NACC2: variants seen among roughly 807,000 people sequenced by gnomAD.
The protein encoded by NACC2 is nucleus accumbens-associated protein 2.
Under a neutral mutation model 25.1 loss-of-function variants are expected in NACC2, and 8 were observed. The ratio of observed to expected loss-of-function variants is 0.32; its 90% CI spans 0.19 to 0.57. The LOEUF (loss-of-function observed/expected upper bound fraction) is 0.57. NACC2 is among the 20% of genes least tolerant of loss of function. The pLI, the probability that NACC2 is intolerant of heterozygous loss-of-function variation, is 0.89. For missense variants in NACC2, 644 were observed against 650.2 expected (o/e 0.99, Z 0.10); for synonymous variants, 435 against 294.7 (o/e 1.48, Z -4.88).
intron 2 of NACC2, among the ~76,000 whole-genome samples, chr9:136,024,455 T>TGTGTGAGGACAGAGGGTGC (rs1233617989): frequency 2.8e-5 from 4 of 140,692 alleles, no homozygotes; most frequent in Admixed American, 7.1e-5. Flanking sequence ...ACAGAGGGTA[T>TGTGTGAGGACAGAGGGTGC]GTGTGAGGAC....
chr9:136,050,688 C>G (rs1840816820), intron 1 of NACC2, 108 bp from the exon 2 acceptor site: 7 of 632,596 alleles, frequency 1.1e-5, no homozygotes, highest in South Asian at 1.8e-5. Context: ...AAAGAGCGAG[C>G]CTTCCGCACG....
Position 136,079,560 on chromosome 9 carries a change from G to C in NACC2, c.-60+15629C>G, listed in dbSNP as rs757463479. Among the ~76,000 whole-genome samples, 132 of 152,292 alleles carry C rather than the reference G, an allele frequency of 8.7e-4. No individual in the cohort carries two copies. The Middle Eastern group carries it at 0.01, about 12-fold the overall frequency. On this transcript the variant is annotated intron_variant, in intron 1 of 5. Coordinates refer to ENST00000277554, the MANE Select transcript of NACC2 (RefSeq NM_144653.5). ...CATGGCCTGCTGAGAATGACACGAA[G>C]GAACAGGCTGACTCACTGAGTGGAA...
intron 1 of NACC2, among the ~76,000 whole-genome samples, chr9:136,063,151 G>A (rs964515463): frequency 3.3e-5 from 5 of 152,176 alleles, no homozygotes; most frequent in African/African-American, 1.2e-4. Flanking sequence ...TCTCTCTCCT[G>A]TCAAACGTGT....
intron 1 of NACC2, among the ~76,000 whole-genome samples, chr9:136,072,278 G>C (rs1315783141): frequency 6.6e-6 from 1 of 152,024 alleles, no homozygotes; most frequent in Non-Finnish European, 1.5e-5. Flanking sequence ...GGGCATGGTG[G>C]CTCATGTCTG....
At chr9:136,037,253 T>G (rs371550693) in intron 2 of NACC2, among the ~76,000 whole-genome samples, 19,502 of 152,164 alleles carry the variant, frequency 0.13, 1,741 homozygotes, top group East Asian at 0.35. Context: ...TGAGATGGAA[T>G]CTCACTCTTG....
At chr9:136,053,026 A>G (rs1840871005) in intron 1 of NACC2, among the ~76,000 whole-genome samples, 2 of 152,176 alleles carry the variant, frequency 1.3e-5, no homozygotes, top group Non-Finnish European at 1.5e-5. Context: ...ATTCCACCCA[A>G]AAGAAGGGGC....
intron 2 of NACC2, among the ~76,000 whole-genome samples, chr9:136,047,627 G>C (rs1428682215): frequency 6.6e-6 from 1 of 152,216 alleles, no homozygotes; most frequent in Non-Finnish European, 1.5e-5. Flanking sequence ...AGCCCCAATG[G>C]GACTGTACCT....
At chr9:136,068,260 G>A (rs1330189509) in intron 1 of NACC2, among the ~76,000 whole-genome samples, 1 of 152,094 alleles carries the variant, frequency 6.6e-6, no homozygotes, top group East Asian at 1.9e-4. Context: ...CACTTTGGGA[G>A]GCCAAGGAGG....
intron 1 of NACC2, among the ~76,000 whole-genome samples, chr9:136,050,851 G>A (rs991740986): frequency 6.6e-6 from 1 of 152,144 alleles, no homozygotes; most frequent in Non-Finnish European, 1.5e-5. Context: ...ACTCCCAGGG[G>A]GCTGCTCTTA....
At position 136,013,166 on chromosome 9, in the gene NACC2, C is replaced by T; in HGVS notation, c.1255+33G>A. On this transcript the variant is annotated intron_variant, in intron 5 of 5. Coordinates refer to ENST00000277554, the MANE Select transcript of NACC2 (RefSeq NM_144653.5). The surrounding 1 kb of genome is among the most constrained non-coding windows in gnomAD (Gnocchi z 6.6). Reference sequence around the variant, plus strand: ...GGCTGGGATCTGAACCCAGCCCCGGCCCCACCCACCCGAGAGACCCCCAGG... The same window carrying T: ...GGCTGGGATCTGAACCCAGCCCCGGTCCCACCCACCCGAGAGACCCCCAGG... 5.2e-6 allele frequency: 3 copies of T among 575,892 alleles called. No individual in the cohort carries two copies. Among genetic ancestry groups the T allele is most frequent in the Non-Finnish European group, 1.0e-5 (3 of 296,822 alleles). 35.7% of individuals were successfully genotyped at this position (575,892 alleles called of 1,614,324 possible).
intron 2 of NACC2, among the ~76,000 whole-genome samples, chr9:136,044,465 C>T (rs902141192): frequency 5.3e-5 from 8 of 152,150 alleles, no homozygotes; most frequent in South Asian, 2.1e-4. Context: ...CCTTCACCCC[C>T]GACCCCTGCA....
intron 3 of NACC2, 52 bp downstream of exon 3, chr9:136,016,213 A>G: frequency 6.3e-7 from 1 of 1,592,292 alleles, no homozygotes; most frequent in Non-Finnish European, 8.6e-7. Flanking sequence ...AAATAAATAA[A>G]TAAATAAATG....
chr9:136,024,400 A>T (rs1840352458), intron 2 of NACC2, among the ~76,000 whole-genome samples: 1 of 119,420 alleles, frequency 8.4e-6, no homozygotes, highest in Non-Finnish European at 1.7e-5. Flanking sequence ...AGGGTGTGTG[A>T]GGACAGAGTG....
At chr9:136,021,472 G>A (rs942108796) in intron 2 of NACC2, among the ~76,000 whole-genome samples, 1 of 152,222 alleles carries the variant, frequency 6.6e-6, no homozygotes, top group Admixed American at 6.5e-5. Context: ...TGCTGGCGAG[G>A]ACACGGGGCA....
intron 2 of NACC2, among the ~76,000 whole-genome samples, chr9:136,047,563 G>C (rs1371453596): frequency 2.6e-5 from 4 of 152,320 alleles, no homozygotes; most frequent in Middle Eastern, 3.4e-3. Context: ...CGCAGCACCT[G>C]CGGCCTGGAC....
chr9:136,020,500 G>A lies in NACC2; in HGVS notation c.887-4071C>T, dbSNP rs1353743761. 6.6e-6 allele frequency among the ~76,000 whole-genome samples: 1 copy of A among 152,242 alleles called. No individual in the cohort carries two copies. Among genetic ancestry groups the A allele is most frequent in the Non-Finnish European group, 1.5e-5 (1 of 68,042 alleles). ...GTCTGTGCGGATGTGGGCGGCAGTG[G>A]CGAGTGGTAGGGCCGCCTGGTGGAG... On this transcript the variant is annotated intron_variant, in intron 2 of 5. Transcript: ENST00000277554. The surrounding 1 kb of genome is among the most constrained non-coding windows in gnomAD (Gnocchi z 4.7).
At chr9:136,068,742 A>G (rs1841116572) in intron 1 of NACC2, among the ~76,000 whole-genome samples, 1 of 151,700 alleles carries the variant, frequency 6.6e-6, no homozygotes, top group South Asian at 2.1e-4. Flanking sequence ...ATAAAAACAC[A>G]GATAAACCAA....
Position 136,075,013 on chromosome 9 carries a change from G to A in NACC2, c.-60+20176C>T, listed in dbSNP as rs573109620. 1.8e-4 allele frequency among the ~76,000 whole-genome samples: 28 copies of A among 152,268 alleles called. No homozygotes were observed. The South Asian group carries it at 5.8e-3, about 32-fold the overall frequency. The stretch of plus-strand genomic sequence containing the variant: ...GGGGGAACAGCAATCGGATCCTCAC[G>A]AAACAGTGACGTGAGGCCCAGTAGA... On this transcript the variant is annotated intron_variant, in intron 1 of 5. Transcript: ENST00000277554.
At chr9:136,079,529 G>A (rs151256927) in intron 1 of NACC2, among the ~76,000 whole-genome samples, 2 of 152,320 alleles carry the variant, frequency 1.3e-5, no homozygotes, top group African/African-American at 2.4e-5. Context: ...GCAGGCATGG[G>A]CACCCCATGG....
Sources: gnomAD v4.1 joint callset for allele counts (sites outside exome capture counted in the v4.1 genomes callset) on GRCh38, gnomAD v4.1.1 for gene constraint, Gnocchi (gnomAD v3.1) non-coding constraint, MANE v1.5 for transcripts, NCBI Gene and HGNC (gene_info 2026-07-23, HGNC 2026-07-21) for gene names.